The following PARVA variants were observed in gnomAD, a reference collection of about 807,000 sequenced individuals.
PARVA encodes parvin alpha.
In PARVA, 25 loss-of-function variants were observed where a neutral mutation model predicts 52.6. The ratio of observed to expected loss-of-function variants is 0.48; its 90% confidence interval spans 0.35 to 0.66. The LOEUF (loss-of-function observed/expected upper bound fraction) is 0.66. Among genes scored for constraint, PARVA ranks in the 30% least tolerant of loss-of-function variants. PARVA has a pLI of 0.01. For missense variants in PARVA, 373 were observed against 450.9 expected (o/e 0.83, Z 1.56); for synonymous variants, 185 against 179.1 (o/e 1.03, Z -0.26).
At chr11:12,423,990 G>A (rs893790608) in intron 1 of PARVA, among the ~76,000 whole-genome samples, 12 of 151,948 alleles carry the variant, frequency 7.9e-5, no homozygotes, top group Non-Finnish European at 1.6e-4. Flanking sequence ...GAGTATTCTT[G>A]CAGGAATATA....
At chr11:12,394,857 C>T (rs376185342) in intron 1 of PARVA, among the ~76,000 whole-genome samples, 2 of 151,942 alleles carry the variant, frequency 1.3e-5, no homozygotes, top group East Asian at 1.9e-4. Context: ...TTGGGGAGGC[C>T]GAGGTGGGCA....
rs77133267 is a variant in PARVA, at chr11:12,533,202, G to C, written c.*5277G>C. 2.5e-3 allele frequency among the ~76,000 whole-genome samples: 385 copies of C among 152,296 alleles called. 2 individuals are homozygous for C. The highest frequency in any genetic ancestry group is 8.5e-3 in the African/African-American group (353 of 41,548). ...GCTAGGGGAACTGGACAGAGTGGAC[G>C]AGGCTGCATGTGTGGAGGGAATGAA... On this transcript the variant is annotated 3_prime_UTR_variant, in exon 13 of 13. Coordinates refer to ENST00000334956, the MANE Select transcript of PARVA (RefSeq NM_018222.5).
rs1323730764 is a variant in PARVA at position 12,531,936 on chromosome 11, A to G, written c.*4011A>G. 2.0e-5 allele frequency among the ~76,000 whole-genome samples: 3 copies of G among 152,188 alleles called. No homozygotes were observed. The highest frequency in any genetic ancestry group is 7.2e-5 in the African/African-American group (3 of 41,444). ...GGGTCTTACCAAAAGAAAAGTCAGT[A>G]TGAGTTACTCACAATCCTAACTACA... On this transcript the variant is annotated 3_prime_UTR_variant, in exon 13 of 13. Coordinates refer to ENST00000334956, the MANE Select transcript of PARVA (RefSeq NM_018222.5).
intron 4 of PARVA, among the ~76,000 whole-genome samples, chr11:12,493,281 G>A (rs765213886): frequency 7.9e-5 from 12 of 151,536 alleles, no homozygotes; most frequent in African/African-American, 1.5e-4. Flanking sequence ...ACTTGAACCC[G>A]GGAGGCAGAG....
intron 1 of PARVA, among the ~76,000 whole-genome samples, chr11:12,384,231 C>T (rs1461612917): frequency 6.6e-6 from 1 of 152,182 alleles, no homozygotes; most frequent in East Asian, 1.9e-4. Context: ...TGGAGAAAGT[C>T]TCCTGATACT....
chr11:12,435,877 G>A (rs935544033), intron 1 of PARVA, among the ~76,000 whole-genome samples: 1 of 152,120 alleles, frequency 6.6e-6, no homozygotes, highest in Admixed American at 6.5e-5. Flanking sequence ...GAGTGCAGTG[G>A]CGTGATCTCG....
At chr11:12,418,579 T>C (rs1351125549) in intron 1 of PARVA, among the ~76,000 whole-genome samples, 1 of 152,188 alleles carries the variant, frequency 6.6e-6, no homozygotes, top group Non-Finnish European at 1.5e-5. Context: ...ACCCAGTTCA[T>C]GGTCTGGGCC....
intron 1 of PARVA, among the ~76,000 whole-genome samples, chr11:12,409,184 C>T (rs567432396): frequency 1.5e-4 from 23 of 152,316 alleles, no homozygotes; most frequent in Admixed American, 1.2e-3. Context: ...CTTCATTAAA[C>T]ATCAAATACA....
chr11:12,521,708 T>C (rs1941638877), intron 12 of PARVA, among the ~76,000 whole-genome samples: 1 of 152,158 alleles, frequency 6.6e-6, no homozygotes, highest in Admixed American at 6.6e-5. Context: ...CAGGGGTCCT[T>C]ATTATAAGTC....
At chr11:12,406,661 GTTTTTTTTTTTTTTTT>G (rs571973101) in intron 1 of PARVA, among the ~76,000 whole-genome samples, 1 of 77,798 alleles carries the variant, frequency 1.3e-5, no homozygotes, top group African/African-American at 5.4e-5. Context: ...GGTTGTATCT[GTTTTTTTTTTTTTTTT>G]TTTTTTTTTT....
At chr11:12,501,698 A>T (rs1208280383) in intron 5 of PARVA, among the ~76,000 whole-genome samples, 1 of 152,204 alleles carries the variant, frequency 6.6e-6, no homozygotes, top group East Asian at 1.9e-4. Context: ...AGTATATTAC[A>T]CAGTAACATC....
intron 1 of PARVA, among the ~76,000 whole-genome samples, chr11:12,432,105 C>T (rs568177123): frequency 1.4e-4 from 22 of 152,284 alleles, no homozygotes; most frequent in East Asian, 3.9e-4. Flanking sequence ...TTACAATTAA[C>T]GTAAAATTTT....
chr11:12,432,662 T>A (rs1940330748), intron 1 of PARVA, among the ~76,000 whole-genome samples: 1 of 152,226 alleles, frequency 6.6e-6, no homozygotes. Context: ...CAAGTTAAAG[T>A]AATTTGACAA....
At chr11:12,458,861 T>C (rs1940734963) in intron 1 of PARVA, among the ~76,000 whole-genome samples, 1 of 152,156 alleles carries the variant, frequency 6.6e-6, no homozygotes, top group Admixed American at 6.5e-5. Context: ...CTTTCTGCAG[T>C]TTCTCAGAGA....
intron 5 of PARVA, among the ~76,000 whole-genome samples, chr11:12,501,747 T>C (rs570269152): frequency 1.1e-4 from 17 of 152,302 alleles, no homozygotes; most frequent in Admixed American, 1.0e-3. Context: ...TGTGAGACTA[T>C]AGACTATTTC....
At chr11:12,510,417 T>G (rs899677415) in intron 7 of PARVA, among the ~76,000 whole-genome samples, 2 of 152,256 alleles carry the variant, frequency 1.3e-5, no homozygotes, top group Non-Finnish European at 2.9e-5. Flanking sequence ...AATCATTTAA[T>G]AATCACAACA....
At chr11:12,496,899 C>T (rs910589162) in intron 5 of PARVA, among the ~76,000 whole-genome samples, 6 of 152,180 alleles carry the variant, frequency 3.9e-5, no homozygotes, top group Non-Finnish European at 7.3e-5. Context: ...TTCTAAGTCC[C>T]AGCACAGCCT....
intron 1 of PARVA, among the ~76,000 whole-genome samples, chr11:12,436,760 G>A (rs568814644): frequency 8.3e-4 from 127 of 152,166 alleles, no homozygotes; most frequent in South Asian, 1.2e-3. Flanking sequence ...ATCTGAAGAA[G>A]TGTGGGGTTA....
intron 1 of PARVA, among the ~76,000 whole-genome samples, chr11:12,437,363 C>T (rs1940400176): frequency 6.6e-6 from 1 of 152,202 alleles, no homozygotes; most frequent in African/African-American, 2.4e-5. Context: ...CCTTCTCTTC[C>T]CTACATCCTC....
Sources: allele counts gnomAD v4.1 joint callset (sites outside exome capture counted in the v4.1 genomes callset), GRCh38; gene constraint gnomAD v4.1.1; transcripts MANE v1.5; gene names NCBI Gene and HGNC (gene_info 2026-07-23, HGNC 2026-07-21).